Variants in UBR4 observed in about 807,000 individuals in gnomAD.
The protein encoded by UBR4 is ubiquitin protein ligase E3 component n-recognin 4, also known as E3 ubiquitin-protein ligase UBR4.
In UBR4, 124 loss-of-function variants were observed where a neutral mutation model predicts 575.6. The observed-to-expected ratio is 0.22, with a 90% confidence interval of 0.19 to 0.25. The LOEUF (loss-of-function observed/expected upper bound fraction) is 0.25. UBR4 is among the 10% of genes least tolerant of loss of function. The probability of loss-of-function intolerance (pLI) is 1.00; values close to 1 mark genes in which losing one functional copy is unlikely to be tolerated. For synonymous variants in UBR4, 2,455 were observed against 2,473.7 expected, an observed-to-expected ratio of 0.99 and a Z score of 0.22; for missense variants, 4,818 against 6,478.8, an observed-to-expected ratio of 0.74 and a Z score of 8.80.
intron 14 of UBR4, among the ~76,000 whole-genome samples, chr1:19,185,573 C>CTTTTTTTT (rs3068081): frequency 2.3e-5 from 3 of 128,632 alleles, no homozygotes; most frequent in Admixed American, 8.3e-5. Context: ...TTTCTTTTTT[C>CTTTTTTTT]TTTTTTTTTT....
In UBR4 at chr1:19,153,695, T is replaced by C; in HGVS notation, c.6630+73A>G. On this transcript the variant is annotated intron_variant, in intron 45 of 105. Coordinates refer to ENST00000375254, the MANE Select transcript of UBR4 (RefSeq NM_020765.3). This position sits in a 1 kb window ranked among gnomAD's most constrained non-coding sequence, Gnocchi z 4.1. ...GCCTCCATTGAAAGAGCTGGGAAAG[T>C]GAAATGAATATACAAACATAAAAAG... The C allele has an allele frequency of 6.5e-7, 1 of 1,542,716 alleles. No individual in the cohort carries two copies. The highest frequency in any genetic ancestry group is 8.7e-7 in the Non-Finnish European group (1 of 1,146,484).
chr1:19,088,012 C>T lies in UBR4; in HGVS notation c.14431-83G>A, dbSNP rs1366585045. 1.9e-6 allele frequency: 2 copies of T among 1,068,250 alleles called. No homozygotes were observed. Among genetic ancestry groups the T allele is most frequent in the Non-Finnish European group, 2.8e-6 (2 of 711,660 alleles). The allele number at this position is 1,068,250 out of a possible 1,614,324, so 66.2% of individuals were successfully genotyped here. A position where few individuals can be genotyped will look rare whatever the true frequency, so the allele number is the denominator to read the frequency against. ...AGCTTGGAGATGCTCAGGAACAGGG[C>T]TAACCTTCTACCTCCACTAAAAGGA... On this transcript the variant is annotated intron_variant, in intron 98 of 105. Coordinates refer to ENST00000375254, the MANE Select transcript of UBR4 (RefSeq NM_020765.3). The surrounding 1 kb of genome is among the most constrained non-coding windows in gnomAD (Gnocchi z 4.0).
At chr1:19,151,103 C>T in intron 48 of UBR4, 2 of 425,220 alleles carry the variant, frequency 4.7e-6, no homozygotes, top group African/African-American at 2.0e-5. Context: ...TCTCTACACA[C>T]TTTCTTTGTT....
At chr1:19,193,610 C>A in intron 8 of UBR4, 53 bp from the exon 9 acceptor site, 1 of 1,548,438 alleles carries the variant, frequency 6.5e-7, no homozygotes, top group Admixed American at 2.0e-5. Flanking sequence ...AAGAATCCAC[C>A]AAAGCTGAAA....
At chr1:19,145,957 C>G (rs764378889) in intron 52 of UBR4, 24 bp from the exon 53 acceptor site, 4 of 1,612,448 alleles carry the variant, frequency 2.5e-6, no homozygotes, top group African/African-American at 2.7e-5. Flanking sequence ...AGAAAATTAT[C>G]AACGATGGTA....
chr1:19,148,418 C>G (rs2085171933), intron 50 of UBR4, 145 bp downstream of exon 50: 1 of 1,119,326 alleles, frequency 8.9e-7, no homozygotes, highest in African/African-American at 1.6e-5. Flanking sequence ...AGGCCTTAAG[C>G]TGAAGACTTC....
At position 19,089,094 on chromosome 1, in the gene UBR4, G is replaced by A. The variant is rs946516289; in HGVS notation, c.14212-117C>T. The A allele has an allele frequency of 6.0e-6, 6 of 991,816 alleles. No individual in the cohort carries two copies. The South Asian group carries it at 7.8e-5, about 13-fold the overall frequency. 61.4% of individuals were successfully genotyped at this position (991,816 alleles called of 1,614,324 possible). ...TGCACCATCTCATGTCACCTGCTCA[G>A]CTGCAATCAGGTCCTTTGATTCCAC... is the stretch of plus-strand genomic sequence containing the variant. On this transcript the variant is annotated intron_variant, in intron 97 of 105. Coordinates refer to ENST00000375254, the MANE Select transcript of UBR4 (RefSeq NM_020765.3). The surrounding 1 kb of genome is among the most constrained non-coding windows in gnomAD (Gnocchi z 4.3).
intron 81 of UBR4, among the ~76,000 whole-genome samples, chr1:19,109,287 C>T (rs2079574181): frequency 6.6e-6 from 1 of 152,226 alleles, no homozygotes; most frequent in African/African-American, 2.4e-5. Flanking sequence ...CTGATACAAG[C>T]AAGTCAATCT....
Position 19,153,639 on chromosome 1 carries a change from T to C in UBR4, c.6630+129A>G. The C allele has an allele frequency of 1.4e-6, 2 of 1,471,446 alleles. No homozygotes were observed. The highest frequency in any genetic ancestry group is 2.6e-5 in the South Asian group (2 of 76,020). The allele number at this position is 1,471,446 out of a possible 1,614,324, so 91.1% of individuals were successfully genotyped here. A position where few individuals can be genotyped will look rare whatever the true frequency, so the allele number is the denominator to read the frequency against. ...AGAAGGGTGGCAAAGAAAAGGCATC[T>C]AGAAGAAAAAGGACTGAAAATCTTT... is the stretch of plus-strand genomic sequence containing the variant. On this transcript the variant is annotated intron_variant, in intron 45 of 105. Transcript: ENST00000375254. This position sits in a 1 kb window ranked among gnomAD's most constrained non-coding sequence, Gnocchi z 4.1.
rs1443452102 is a variant in UBR4, at chr1:19,106,528, CA to C, written c.12393+40del. 3 of 1,510,486 alleles carry C rather than the reference CA, an allele frequency of 2.0e-6. No homozygotes were observed. The East Asian group carries it at 6.9e-5, about 35-fold the overall frequency. The allele number at this position is 1,510,486 out of a possible 1,614,324, so 93.6% of individuals were successfully genotyped here. A position where few individuals can be genotyped will look rare whatever the true frequency, so the allele number is the denominator to read the frequency against. On this transcript the variant is annotated intron_variant, in intron 83 of 105. Coordinates refer to ENST00000375254, the MANE Select transcript of UBR4 (RefSeq NM_020765.3). ...AAACATATTGCTCAGAGTCTGGGGT[CA>C]GGGGCGCAGGGGGTGAAGAGTCCAG...
Position 19,112,308 on chromosome 1 carries a change from C to T in UBR4, c.11801+216G>A, listed in dbSNP as rs192140648. 181 of 552,532 alleles carry T rather than the reference C, an allele frequency of 3.3e-4. No individual in the cohort carries two copies. The East Asian group carries it at 4.3e-3, about 13-fold the overall frequency. 34.2% of individuals were successfully genotyped at this position (552,532 alleles called of 1,614,324 possible). On this transcript the variant is annotated intron_variant, in intron 78 of 105. Transcript: ENST00000375254. ...ACACTGTACTGGAACCAAAAAAGCA[C>T]AAGCCAATCATGCCATTTACAAGGA...
In UBR4 at chr1:19,132,358, T is replaced by C. The variant is rs1193612793; in HGVS notation, c.8907-3284A>G. On this transcript the variant is annotated intron_variant, in intron 60 of 105. Coordinates refer to ENST00000375254, the MANE Select transcript of UBR4 (RefSeq NM_020765.3). ...CACCACACAAGGCTAATTTTTATAT[T>C]TTTAGTAGAGACAGGGTTTTGCTAT... Among the ~76,000 whole-genome samples the C allele has an allele frequency of 3.9e-5, 6 of 151,900 alleles. No individual in the cohort carries two copies. The East Asian group carries it at 7.8e-4, about 20-fold the overall frequency.
intron 41 of UBR4, 102 bp from the exon 42 acceptor site, chr1:19,156,525 G>A: frequency 7.0e-7 from 1 of 1,422,028 alleles, no homozygotes; most frequent in African/African-American, 1.4e-5. Flanking sequence ...AATATCCCCT[G>A]CCTTCAGACA....
intron 60 of UBR4, among the ~76,000 whole-genome samples, chr1:19,137,790 C>A (rs1354164035): frequency 1.3e-5 from 2 of 152,166 alleles, no homozygotes; most frequent in African/African-American, 2.4e-5. Flanking sequence ...AAGAGAAATA[C>A]CACTTTCTAT....
intron 103 of UBR4, chr1:19,078,484 A>G: frequency 5.8e-6 from 1 of 172,396 alleles, no homozygotes; most frequent in South Asian, 1.4e-4. Context: ...CAAGGTTTTA[A>G]TTCAGTCTTT....
At chr1:19,161,173 C>T (rs189523301) in intron 37 of UBR4, 26 bp from the exon 38 acceptor site, 773 of 1,606,140 alleles carry the variant, frequency 4.8e-4, no homozygotes, top group African/African-American at 3.6e-3. Context: ...GTCAGAGTCC[C>T]TAAGTTCTTG....
chr1:19,121,786 C>T, intron 67 of UBR4, 148 bp downstream of exon 67: 1 of 1,027,496 alleles, frequency 9.7e-7, no homozygotes. Flanking sequence ...TAGATTTTTA[C>T]TTGTCTTCTT....
intron 11 of UBR4, among the ~76,000 whole-genome samples, 189 bp from the exon 12 acceptor site, chr1:19,187,729 T>C (rs2151321327): frequency 6.6e-6 from 1 of 152,212 alleles, no homozygotes; most frequent in Middle Eastern, 3.4e-3. Flanking sequence ...TTGAACCCCA[T>C]CCACAGATGG....
intron 97 of UBR4, among the ~76,000 whole-genome samples, chr1:19,090,303 T>C (rs2077384233): frequency 6.6e-6 from 1 of 152,228 alleles, no homozygotes; most frequent in South Asian, 2.1e-4. Context: ...GCCTGTCAAC[T>C]GTTCTTCCTA....
Sources: allele counts gnomAD v4.1 joint callset (sites outside exome capture counted in the v4.1 genomes callset), GRCh38; gene constraint gnomAD v4.1.1; non-coding constraint Gnocchi (gnomAD v3.1); transcripts MANE v1.5; gene names NCBI Gene and HGNC (gene_info 2026-07-23, HGNC 2026-07-21).